Variants in ATRX observed in about 807,000 individuals in gnomAD.
ATRX encodes ATRX chromatin remodeler.
A neutral mutation model predicts 172.6 loss-of-function variants in ATRX; 12 were observed. The observed-to-expected ratio is 0.07, with a 90% CI of 0.04 to 0.11. ATRX has a LOEUF of 0.11. ATRX is among the 10% of genes least tolerant of loss of function. The probability of loss-of-function intolerance (pLI) is 1.00; values close to 1 mark genes in which losing one functional copy is unlikely to be tolerated. For synonymous variants in ATRX, 674 were observed against 594.7 expected (o/e 1.13, Z -1.94); for missense variants, 1,368 against 1,767.4 (o/e 0.77, Z 4.05).
At chrX:77,777,821 T>C (rs186690171) in intron 1 of ATRX, among the ~76,000 whole-genome samples, 81 of 111,149 alleles carry the variant, frequency 7.3e-4, no homozygotes, top group African/African-American at 1.5e-3. Flanking sequence ...GTGCATTAAA[T>C]CCTACACAAT....
At chrX:77,536,978 G>A (rs1485555315) in intron 30 of ATRX, among the ~76,000 whole-genome samples, 2 of 112,125 alleles carry the variant, frequency 1.8e-5, no homozygotes, top group Non-Finnish European at 3.8e-5. Flanking sequence ...CGATGGAAAT[G>A]TTCTGTGTTT....
In ATRX at chrX:77,679,513, A is replaced by T. The variant is rs782574700; in HGVS notation, c.3736+2007T>A. On this transcript the variant is annotated intron_variant, in intron 9 of 34. Coordinates refer to ENST00000373344, the MANE Select transcript of ATRX (RefSeq NM_000489.6). The stretch of plus-strand genomic sequence containing the variant: ...GAGATGCATCAATTGAGTATTTGCC[A>T]TATATCACCATCCCTTCTTAAGGCC... Among the ~76,000 whole-genome samples the T allele has an allele frequency of 3.8e-4, 43 of 112,180 alleles. No homozygotes were observed. In the South Asian group the frequency reaches 0.015, roughly 39 times the overall value.
chrX:77,527,900 C>T (rs1264942470), intron 30 of ATRX, among the ~76,000 whole-genome samples: 2 of 111,615 alleles, frequency 1.8e-5, no homozygotes, highest in Admixed American at 1.9e-4. Flanking sequence ...GAGGAGGGGC[C>T]GCCCACAGCG....
intron 19 of ATRX, 36 bp from the exon 20 acceptor site, chrX:77,620,568 T>C (rs781951166): frequency 8.9e-7 from 1 of 1,117,886 alleles, no homozygotes; most frequent in South Asian, 1.9e-5. Flanking sequence ...ACAATTAATA[T>C]ATAATAAAAC....
chrX:77,578,074 G>A (rs1557071616), intron 27 of ATRX, among the ~76,000 whole-genome samples: 1 of 111,409 alleles, frequency 9.0e-6, no homozygotes, highest in Non-Finnish European at 1.9e-5. Context: ...CTTTGAATTG[G>A]AACTCAGCCT....
At chrX:77,521,026 T>C in intron 33 of ATRX, 110 bp from the exon 34 acceptor site, 1 of 830,282 alleles carries the variant, frequency 1.2e-6, no homozygotes, top group East Asian at 3.3e-5. Context: ...CCCCTTTTCC[T>C]TTATTCTTTT....
rs916131187 is a variant in ATRX, at chrX:77,781,369, A to G, written c.20+4613T>C. Among the ~76,000 whole-genome samples, 6 of 96,706 alleles carry G rather than the reference A, an allele frequency of 6.2e-5. No individual in the cohort carries two copies. The South Asian group carries it at 2.7e-3, about 44-fold the overall frequency. 84.0% of individuals were successfully genotyped at this position (96,706 alleles called of 115,157 possible). A position where few individuals can be genotyped will look rare whatever the true frequency, so the allele number is the denominator to read the frequency against. ...AGGCAGGAGAATGGCGTGAACCCGG[A>G]GGGCGGAGTTTGCAGTGACCTGAGA... On this transcript the variant is annotated intron_variant, in intron 1 of 34. Transcript: ENST00000373344.
chrX:77,549,151 G>A (rs782317571), intron 30 of ATRX, among the ~76,000 whole-genome samples: 25 of 111,485 alleles, frequency 2.2e-4, no homozygotes, highest in South Asian at 3.8e-4. Context: ...TTAGGAGACC[G>A]AGGTGGGTCG....
At chrX:77,547,258 C>A (rs1261271918) in intron 30 of ATRX, among the ~76,000 whole-genome samples, 2 of 111,276 alleles carry the variant, frequency 1.8e-5, no homozygotes, top group Non-Finnish European at 3.8e-5. Context: ...TAGAATCTTG[C>A]ATACCATCCC....
chrX:77,577,599 A>T (rs1200436388), intron 27 of ATRX, among the ~76,000 whole-genome samples: 1 of 111,286 alleles, frequency 9.0e-6, no homozygotes, highest in Non-Finnish European at 1.9e-5. Flanking sequence ...TGTTATATAT[A>T]TATTTACCAT....
chrX:77,722,522 T>A (rs1414250056), intron 1 of ATRX, among the ~76,000 whole-genome samples: 1 of 110,974 alleles, frequency 9.0e-6, no homozygotes, highest in Admixed American at 9.6e-5. Flanking sequence ...TAACAAAAAG[T>A]GGGCAAAGGA....
intron 1 of ATRX, among the ~76,000 whole-genome samples, chrX:77,756,075 C>T (rs2075481525): frequency 8.9e-6 from 1 of 112,022 alleles, no homozygotes; most frequent in Non-Finnish European, 1.9e-5. Flanking sequence ...GAGACGCAGT[C>T]TGGCCATAGC....
chrX:77,671,167 A>AAAAAATAT (rs1424480831), intron 10 of ATRX, among the ~76,000 whole-genome samples: 453 of 15,752 alleles, frequency 0.029, 50 homozygotes, highest in Admixed American at 0.066. Context: ...AAAAAAAAAA[A>AAAAAATAT]ATATATATAT....
chrX:77,606,395 A>G (rs2066904464), intron 22 of ATRX, among the ~76,000 whole-genome samples: 2 of 111,250 alleles, frequency 1.8e-5, no homozygotes, highest in South Asian at 7.5e-4. Flanking sequence ...TCCTCAAACT[A>G]TTCTGCAAAA....
intron 1 of ATRX, among the ~76,000 whole-genome samples, chrX:77,727,160 CA>C (rs1378282315): frequency 9.0e-6 from 1 of 110,956 alleles, no homozygotes; most frequent in Non-Finnish European, 1.9e-5. Context: ...GAATGCCGAT[CA>C]TTAAGAAGTC....
chrX:77,525,378 C>G (rs1011737645), intron 30 of ATRX, among the ~76,000 whole-genome samples: 2 of 111,193 alleles, frequency 1.8e-5, no homozygotes, highest in Non-Finnish European at 3.8e-5. Context: ...CCTATGCCCA[C>G]CCCCCCAACA....
intron 1 of ATRX, among the ~76,000 whole-genome samples, chrX:77,745,171 A>C (rs1003600286): frequency 8.0e-5 from 8 of 100,302 alleles, no homozygotes; most frequent in African/African-American, 2.9e-4. Flanking sequence ...TGTCTCAAAA[A>C]TGAAAAAAAA....
At chrX:77,688,709 A>G in intron 7 of ATRX, 109 bp downstream of exon 7, 2 of 632,622 alleles carry the variant, frequency 3.2e-6, no homozygotes, top group Non-Finnish European at 5.2e-6. Flanking sequence ...GAAGTCTTCC[A>G]AGGGCAGATA....
intron 27 of ATRX, among the ~76,000 whole-genome samples, chrX:77,581,677 T>C (rs1453871412): frequency 1.8e-5 from 2 of 112,056 alleles, no homozygotes; most frequent in Non-Finnish European, 3.8e-5. Context: ...ATCTACACTA[T>C]AGACCAAATG....
Sources: gnomAD v4.1 joint callset for allele counts (sites outside exome capture counted in the v4.1 genomes callset) on GRCh38, gnomAD v4.1.1 for gene constraint, MANE v1.5 for transcripts, NCBI Gene and HGNC (gene_info 2026-07-23, HGNC 2026-07-21) for gene names.